Variants in COL21A1 observed in about 807,000 individuals in gnomAD.
COL21A1 encodes collagen alpha-1(XXI) chain.
COL21A1 carries 149 observed loss-of-function variants against 137.9 expected under a neutral mutation model. That is an observed-to-expected ratio of 1.08 (90% confidence interval 0.95 to 1.24). COL21A1 has a LOEUF of 1.24. COL21A1 is among the 50% of genes most tolerant of loss of function. The pLI is 0.00. For missense variants in COL21A1, 1,167 were observed against 1,158.4 expected, an observed-to-expected ratio of 1.01 and a Z score of -0.11; for synonymous variants, 456 against 391.5, an observed-to-expected ratio of 1.16 and a Z score of -1.95.
At chr6:56,120,799 TAAAAA>T (rs34706290) in intron 16 of COL21A1, among the ~76,000 whole-genome samples, 3 of 136,332 alleles carry the variant, frequency 2.2e-5, no homozygotes, top group African/African-American at 5.4e-5. Context: ...TGTCTCAATT[TAAAAA>T]AAAAAAAAAA....
intron 3 of COL21A1, among the ~76,000 whole-genome samples, chr6:56,179,064 G>C (rs1777700609): frequency 6.6e-6 from 1 of 151,756 alleles, no homozygotes; most frequent in Non-Finnish European, 1.5e-5. Context: ...CCTATGAATA[G>C]AGTATAAAAA....
intron 17 of COL21A1, among the ~76,000 whole-genome samples, chr6:56,098,238 A>G (rs1317444857): frequency 1.5e-5 from 1 of 67,992 alleles, no homozygotes; most frequent in African/African-American, 6.6e-5. Context: ...TAAATATATA[A>G]ATATATATAA....
chr6:56,154,138 C>T (rs988151571), intron 10 of COL21A1, among the ~76,000 whole-genome samples: 3 of 152,018 alleles, frequency 2.0e-5, no homozygotes, highest in Admixed American at 6.6e-5. Flanking sequence ...GGGTTAGTTA[C>T]CAAGGGAGTG....
chr6:56,244,095 G>C (rs1352749257), intron 1 of COL21A1, among the ~76,000 whole-genome samples: 2 of 151,978 alleles, frequency 1.3e-5, no homozygotes, highest in Non-Finnish European at 2.9e-5. Context: ...GAACAAAGAG[G>C]GCCCTGAAAA....
At chr6:56,154,255 C>A (rs899210131) in intron 10 of COL21A1, among the ~76,000 whole-genome samples, 1 of 152,140 alleles carries the variant, frequency 6.6e-6, no homozygotes, top group Non-Finnish European at 1.5e-5. Context: ...CAAGACCTTG[C>A]CAAATACTAG....
intron 17 of COL21A1, among the ~76,000 whole-genome samples, chr6:56,089,478 G>T (rs1301914877): frequency 6.6e-6 from 1 of 151,788 alleles, no homozygotes; most frequent in African/African-American, 2.4e-5. Flanking sequence ...ATGCAACATG[G>T]TTCATCTACA....
intron 16 of COL21A1, among the ~76,000 whole-genome samples, chr6:56,106,837 A>G (rs376676496): frequency 5.9e-5 from 9 of 152,050 alleles, no homozygotes; most frequent in African/African-American, 2.2e-4. Context: ...CCCAGGCTGG[A>G]GTGCAGTGGC....
chr6:56,067,703 T>A (rs1324592601), intron 22 of COL21A1, among the ~76,000 whole-genome samples: 1 of 151,692 alleles, frequency 6.6e-6, no homozygotes, highest in Non-Finnish European at 1.5e-5. Context: ...ATTAAGCTAT[T>A]AGTAGCCACA....
At chr6:56,190,822 G>A (rs547717190) in intron 1 of COL21A1, among the ~76,000 whole-genome samples, 2 of 152,254 alleles carry the variant, frequency 1.3e-5, no homozygotes, top group African/African-American at 4.8e-5. Context: ...CACATAAACA[G>A]CAACAATGTC....
chr6:56,381,788 T>A (rs1369544034), intron 1 of COL21A1, among the ~76,000 whole-genome samples: 1 of 152,224 alleles, frequency 6.6e-6, no homozygotes, highest in Non-Finnish European at 1.5e-5. Context: ...TGTCCACAGT[T>A]GTATTTTAAT....
rs575841141 is a variant in COL21A1, at chr6:56,288,263, A to G, written c.-38-105607T>C. Among the ~76,000 whole-genome samples the G allele has an allele frequency of 2.0e-4, 31 of 152,090 alleles. No homozygotes were observed. In the East Asian group the frequency reaches 3.3e-3, roughly 16 times the overall value. On this transcript the variant is annotated intron_variant, in intron 1 of 28. Coordinates refer to the COL21A1 transcript ENST00000370819. ...TTTTAAAAAAATAAAAGAAAAAAAA[A>G]AGGAAATGCTGGCTATTTGACTGCA...
At chr6:56,338,609 C>G (rs58209395) in intron 1 of COL21A1, among the ~76,000 whole-genome samples, 26,200 of 152,062 alleles carry the variant, frequency 0.17, 3,259 homozygotes, top group African/African-American at 0.36. Context: ...CCCTCTCTAT[C>G]TCTTCTCCCT....
intron 1 of COL21A1, among the ~76,000 whole-genome samples, chr6:56,335,256 A>T (rs1236246140): frequency 2.0e-5 from 3 of 152,116 alleles, no homozygotes; most frequent in African/African-American, 7.2e-5. Context: ...ACAAATGGAC[A>T]ATGGCCAGGC....
At chr6:56,313,594 T>G (rs1435617459) in intron 1 of COL21A1, among the ~76,000 whole-genome samples, 1 of 152,150 alleles carries the variant, frequency 6.6e-6, no homozygotes, top group African/African-American at 2.4e-5. Flanking sequence ...GTTATCAGAT[T>G]AGGACTCCAC....
At chr6:56,270,267 T>C (rs1414432876) in intron 1 of COL21A1, among the ~76,000 whole-genome samples, 1 of 152,226 alleles carries the variant, frequency 6.6e-6, no homozygotes, top group Non-Finnish European at 1.5e-5. Flanking sequence ...GAGATTGCTA[T>C]TCTTATGTCA....
rs77147635 is a variant in COL21A1, at chr6:56,381,057, C to T, written c.-39+12914G>A. The stretch of plus-strand genomic sequence containing the variant: ...CCCATAGGAGCAATAGTTCAGCAGT[C>T]GCTAATTCAGGTTTCTCAGTGACTT... On this transcript the variant is annotated intron_variant, in intron 1 of 28. Transcript: ENST00000370819. Among the ~76,000 whole-genome samples the T allele has an allele frequency of 3.4e-3, 520 of 152,054 alleles. 2 individuals carry two copies. The highest frequency in any genetic ancestry group is 0.012 in the African/African-American group (494 of 41,494).
rs202088903 is a variant in COL21A1, at chr6:56,258,209, CA to C, written c.-38-75554del. On this transcript the variant is annotated intron_variant, in intron 1 of 28. Transcript: ENST00000370819. Reference sequence around the variant, plus strand: ...TGTATTTTTAGCAATAACTTTTAAACAACACCATTTTTTTAAGCAGGAGCTA... The same window carrying C: ...TGTATTTTTAGCAATAACTTTTAAACACACCATTTTTTTAAGCAGGAGCTA... Among the ~76,000 whole-genome samples, 328 of 152,212 alleles carry C rather than the reference CA, an allele frequency of 2.2e-3. 8 individuals carry two copies. In the East Asian group the frequency reaches 0.058, roughly 27 times the overall value.
intron 17 of COL21A1, among the ~76,000 whole-genome samples, chr6:56,082,779 A>T (rs1276768358): frequency 1.3e-5 from 2 of 151,988 alleles, no homozygotes; most frequent in Admixed American, 1.3e-4. Flanking sequence ...CTAATAAGTG[A>T]ATTTTTAAAC....
chr6:56,098,267 A>G (rs1385778576), intron 17 of COL21A1, among the ~76,000 whole-genome samples: 4 of 76,374 alleles, frequency 5.2e-5, no homozygotes, highest in Non-Finnish European at 8.6e-5. Context: ...ATACATATAT[A>G]AATATATAAA....
Sources: allele counts gnomAD v4.1 joint callset (sites outside exome capture counted in the v4.1 genomes callset), GRCh38; gene constraint gnomAD v4.1.1; transcripts MANE v1.5; gene names NCBI Gene and HGNC (gene_info 2026-07-23, HGNC 2026-07-21).